The following PVT1 variants were observed in gnomAD, a reference collection of about 807,000 sequenced individuals.
PVT1 encodes the protein CXCR4/PVT1 fusion.
At chr8:127,993,269 A>G (rs1454222057) in intron 4 of PVT1, among the ~76,000 whole-genome samples, 1 of 152,220 alleles carries the variant, frequency 6.6e-6, no homozygotes, top group African/African-American at 2.4e-5. Flanking sequence ...ACACCGTCAC[A>G]CCCACAGACA....
intron 2 of PVT1, among the ~76,000 whole-genome samples, chr8:127,810,858 C>G (rs1814586799): frequency 6.6e-6 from 1 of 152,136 alleles, no homozygotes; most frequent in African/African-American, 2.4e-5. Flanking sequence ...GAAGCATTCC[C>G]TCATCTCCTT....
intron 4 of PVT1, chr8:128,010,128 C>T (rs1817296030): frequency 1.3e-5 from 2 of 152,040 alleles, no homozygotes; most frequent in African/African-American, 4.8e-5. Flanking sequence ...CTGATTCCTG[C>T]CTCTTTATGT....
chr8:127,842,220 G>A (rs1454337547), intron 2 of PVT1, among the ~76,000 whole-genome samples: 8 of 149,340 alleles, frequency 5.4e-5, no homozygotes, highest in Non-Finnish European at 1.0e-4. Context: ...GACAAAAACT[G>A]GAAAACGGCT....
At chr8:127,797,444 T>A (rs1172254069) in intron 2 of PVT1, among the ~76,000 whole-genome samples, 2 of 152,058 alleles carry the variant, frequency 1.3e-5, no homozygotes, top group Non-Finnish European at 2.9e-5. Flanking sequence ...TGACTGAGGA[T>A]GGGAACAGAG....
intron 6 of PVT1, chr8:128,099,731 A>C (rs1420246246): frequency 6.6e-6 from 1 of 152,208 alleles, no homozygotes. Context: ...CTTCCAGTAC[A>C]GTTTCTATGT....
Position 127,893,239 on chromosome 8 carries a change from A to G in PVT1, n.782+2241A>G, listed in dbSNP as rs551834554. On this transcript the variant is annotated intron_variant and non_coding_transcript_variant, in intron 3 of 10. Transcript: ENST00000651587. Reference sequence around the variant, plus strand: ...ACAGAGCTATGAGATGCGCACCATTATGATGATTATCTGTTTTACTGTTTT... The same window carrying G: ...ACAGAGCTATGAGATGCGCACCATTGTGATGATTATCTGTTTTACTGTTTT... Among the ~76,000 whole-genome samples, 4 of 152,290 alleles carry G rather than the reference A, an allele frequency of 2.6e-5. No individual in the cohort carries two copies. In the South Asian group the frequency reaches 8.3e-4, roughly 32 times the overall value.
At chr8:127,997,590 C>T (rs1361027018) in intron 4 of PVT1, among the ~76,000 whole-genome samples, 1 of 152,178 alleles carries the variant, frequency 6.6e-6, no homozygotes, top group African/African-American at 2.4e-5. Context: ...TGTGCACATC[C>T]TCCAGACACT....
rs1815715247 is a variant in PVT1 at position 127,898,499 on chromosome 8, A to C, written n.782+7501A>C. Among the ~76,000 whole-genome samples the C allele has an allele frequency of 6.6e-6, 1 of 152,308 alleles. No individual in the cohort carries two copies. The highest frequency in any genetic ancestry group is 2.1e-4 in the South Asian group (1 of 4,828). The stretch of plus-strand genomic sequence containing the variant: ...CTTCAGGGAAAAGGCTTTGGAGACC[A>C]AGCTAGGCAGGGAAGCGCCTTTGCT... On this transcript the variant is annotated intron_variant and non_coding_transcript_variant, in intron 3 of 10. Coordinates refer to ENST00000651587, the Ensembl canonical transcript of PVT1. The surrounding 1 kb of genome is among the most constrained non-coding windows in gnomAD (Gnocchi z 4.4).
At chr8:127,851,006 C>CAAA (rs57840226) in intron 2 of PVT1, among the ~76,000 whole-genome samples, 6 of 115,448 alleles carry the variant, frequency 5.2e-5, no homozygotes, top group African/African-American at 2.1e-4. Flanking sequence ...GACTCTGTCT[C>CAAA]AAAAAAAAAA....
intron 2 of PVT1, among the ~76,000 whole-genome samples, chr8:127,868,786 T>TACGTTAAC (rs1815316603): frequency 1.2e-5 from 1 of 86,668 alleles, no homozygotes; most frequent in African/African-American, 8.3e-5. Context: ...TATATATATA[T>TACGTTAAC]ATATATACAT....
chr8:127,862,274 G>A (rs531390877), intron 2 of PVT1, among the ~76,000 whole-genome samples: 1 of 152,176 alleles, frequency 6.6e-6, no homozygotes, highest in South Asian at 2.1e-4. Context: ...CAGGCGTGGT[G>A]GCAGGTGCCT....
In PVT1 at chr8:127,957,910, C is replaced by T. The variant is rs116611644; in HGVS notation, n.783-31252C>T. 5.0e-3 allele frequency among the ~76,000 whole-genome samples: 760 copies of T among 152,344 alleles called. 10 individuals carry two copies. The highest frequency in any genetic ancestry group is 0.017 in the African/African-American group (725 of 41,586). On this transcript the variant is annotated intron_variant and non_coding_transcript_variant, in intron 3 of 10. Coordinates refer to ENST00000651587, the Ensembl canonical transcript of PVT1. The stretch of plus-strand genomic sequence containing the variant: ...TCTGCAGGGCAAGGCCGAGAAACAG[C>T]GGGCAGCCTGTGTGATATGGGGACA...
chr8:128,061,107 G>A (rs183962781), intron 4 of PVT1, among the ~76,000 whole-genome samples: 4 of 152,176 alleles, frequency 2.6e-5, no homozygotes, highest in Non-Finnish European at 4.4e-5. Flanking sequence ...ACGGGGTTTC[G>A]CCATGTTGGC....
At chr8:127,937,545 A>G (rs898021584) in intron 3 of PVT1, among the ~76,000 whole-genome samples, 1 of 135,764 alleles carries the variant, frequency 7.4e-6, no homozygotes, top group Non-Finnish European at 1.6e-5. Context: ...CCCTAGGGAA[A>G]AAGACACACA....
At chr8:127,829,154 G>A (rs886339142) in intron 2 of PVT1, among the ~76,000 whole-genome samples, 4 of 152,128 alleles carry the variant, frequency 2.6e-5, no homozygotes, top group Admixed American at 1.3e-4. Flanking sequence ...GCAGGTGCCT[G>A]TAATCCCAGC....
At chr8:127,968,721 A>G (rs1029025880) in intron 3 of PVT1, among the ~76,000 whole-genome samples, 1 of 152,182 alleles carries the variant, frequency 6.6e-6, no homozygotes, top group Non-Finnish European at 1.5e-5. Flanking sequence ...TTGAGGGCGT[A>G]ATAAAGTTAT....
chr8:127,851,735 G>A (rs1054462740), intron 2 of PVT1, among the ~76,000 whole-genome samples: 16 of 152,126 alleles, frequency 1.1e-4, no homozygotes, highest in Admixed American at 4.6e-4. Flanking sequence ...TGAGCCAGGC[G>A]CTGATTCATC....
At chr8:127,852,959 G>A (rs1450540026) in intron 2 of PVT1, among the ~76,000 whole-genome samples, 2 of 152,182 alleles carry the variant, frequency 1.3e-5, no homozygotes, top group African/African-American at 4.8e-5. Flanking sequence ...GTGTGACTTT[G>A]GCTGGCATAG....
intron 2 of PVT1, among the ~76,000 whole-genome samples, chr8:127,881,084 G>A (rs1815461879): frequency 1.3e-5 from 2 of 152,356 alleles, no homozygotes; most frequent in South Asian, 4.1e-4. Context: ...TAGAAGGCTG[G>A]TTCTATACTG....
Sources: gnomAD v4.1 joint callset for allele counts (sites outside exome capture counted in the v4.1 genomes callset) on GRCh38, gnomAD v4.1.1 for gene constraint, Gnocchi (gnomAD v3.1) non-coding constraint, MANE v1.5 for transcripts, NCBI Gene and HGNC (gene_info 2026-07-23, HGNC 2026-07-21) for gene names.